The following CCSER1 variants were observed in gnomAD, a reference collection of about 807,000 sequenced individuals.
CCSER1 encodes serine-rich coiled-coil domain-containing protein 1.
A neutral mutation model predicts 82.0 loss-of-function variants in CCSER1; 41 were observed. That is an observed-to-expected ratio of 0.50 (90% CI 0.39 to 0.65). The LOEUF (loss-of-function observed/expected upper bound fraction) is 0.65, where lower values mean the gene tolerates loss of function less well. CCSER1 is among the 30% of genes least tolerant of loss of function. The probability of loss-of-function intolerance (pLI) is 0.00; values close to 1 mark genes in which losing one functional copy is unlikely to be tolerated. For synonymous variants in CCSER1, 414 were observed against 383.9 expected, an observed-to-expected ratio of 1.08 and a Z score of -0.92; for missense variants, 1,119 against 1,064.2, an observed-to-expected ratio of 1.05 and a Z score of -0.72.
Position 91,527,460 on chromosome 4 carries a change from G to C in CCSER1, c.2218-71112G>C, listed in dbSNP as rs568420785. 2.1e-4 allele frequency among the ~76,000 whole-genome samples: 32 copies of C among 152,172 alleles called. No individual in the cohort carries two copies. The South Asian group carries it at 4.6e-3, about 22-fold the overall frequency. ...CAATGCACAATATAGTATTTGAAAA[G>C]AAAGAGATCAATAAAGGCTATTGTG... On this transcript the variant is annotated intron_variant, in intron 10 of 10. Coordinates refer to ENST00000509176, the MANE Select transcript of CCSER1 (RefSeq NM_001145065.2).
At chr4:90,757,542 C>T (rs1048163557) in intron 7 of CCSER1, among the ~76,000 whole-genome samples, 1 of 152,198 alleles carries the variant, frequency 6.6e-6, no homozygotes, top group African/African-American at 2.4e-5. Flanking sequence ...AAGCAATGGC[C>T]TCCTATAAAG....
intron 3 of CCSER1, among the ~76,000 whole-genome samples, chr4:90,381,122 A>G (rs2153531591): frequency 6.6e-6 from 1 of 152,362 alleles, no homozygotes; most frequent in South Asian, 2.1e-4. Flanking sequence ...AGGATTGTTC[A>G]GTGAGGGCAG....
chr4:91,551,853 T>A (rs765920284), intron 10 of CCSER1, among the ~76,000 whole-genome samples: 2 of 151,714 alleles, frequency 1.3e-5, no homozygotes, highest in Non-Finnish European at 2.9e-5. Flanking sequence ...TTCCTGAAAA[T>A]GAACTTCTTT....
chr4:91,164,335 C>T (rs1378807743), intron 10 of CCSER1, among the ~76,000 whole-genome samples: 7 of 151,906 alleles, frequency 4.6e-5, no homozygotes, highest in Non-Finnish European at 8.8e-5. Context: ...GTGGGTAACC[C>T]GACCTTTCTC....
intron 9 of CCSER1, among the ~76,000 whole-genome samples, chr4:91,044,404 CA>C (rs2150584968): frequency 6.6e-6 from 1 of 152,274 alleles, no homozygotes; most frequent in South Asian, 2.1e-4. Context: ...TTGCAGCGCA[CA>C]AAATGTTCAT....
intron 7 of CCSER1, among the ~76,000 whole-genome samples, chr4:90,755,702 C>T (rs1228508265): frequency 6.6e-6 from 1 of 152,074 alleles, no homozygotes; most frequent in Non-Finnish European, 1.5e-5. Context: ...ATTATCAATG[C>T]AAAACACTGT....
chr4:91,541,113 T>A (rs1431259051), intron 10 of CCSER1, among the ~76,000 whole-genome samples: 1 of 152,190 alleles, frequency 6.6e-6, no homozygotes, highest in Admixed American at 6.6e-5. Flanking sequence ...TTGCATTAAA[T>A]CTACAGAACA....
intron 10 of CCSER1, among the ~76,000 whole-genome samples, chr4:91,243,193 C>T (rs762061593): frequency 6.6e-6 from 1 of 152,210 alleles, no homozygotes; most frequent in Non-Finnish European, 1.5e-5. Context: ...CCAGTGCCCG[C>T]ACCTGGAGGG....
intron 8 of CCSER1, among the ~76,000 whole-genome samples, chr4:90,908,755 T>C (rs957579389): frequency 2.0e-5 from 3 of 152,086 alleles, no homozygotes; most frequent in African/African-American, 7.2e-5. Flanking sequence ...GACTACTCTA[T>C]TGGAATGGAA....
intron 5 of CCSER1, among the ~76,000 whole-genome samples, chr4:90,471,756 C>T (rs1440415842): frequency 1.3e-5 from 2 of 151,556 alleles, no homozygotes; most frequent in Non-Finnish European, 2.9e-5. Context: ...GGGCGGATCA[C>T]TTGAGGTCAG....
intron 5 of CCSER1, among the ~76,000 whole-genome samples, chr4:90,611,059 C>CTTTTTTTTTTTT (rs201354908): frequency 0.021 from 1,998 of 93,602 alleles, 146 homozygotes; most frequent in East Asian, 0.046. Context: ...CTTTTCTTTT[C>CTTTTTTTTTTTT]TTTTTTTTTT....
intron 9 of CCSER1, among the ~76,000 whole-genome samples, chr4:91,006,299 C>T (rs138663933): frequency 6.6e-6 from 1 of 151,156 alleles, no homozygotes; most frequent in African/African-American, 2.4e-5. Flanking sequence ...TTTTTGTGTG[C>T]TATCAGCATA....
At chr4:90,854,836 G>A (rs1173187906) in intron 8 of CCSER1, among the ~76,000 whole-genome samples, 3 of 151,952 alleles carry the variant, frequency 2.0e-5, no homozygotes, top group Non-Finnish European at 2.9e-5. Context: ...AAAACTACTG[G>A]AGACTGGGTA....
chr4:91,368,943 C>G (rs1560617062), intron 10 of CCSER1, among the ~76,000 whole-genome samples: 1 of 152,158 alleles, frequency 6.6e-6, no homozygotes, highest in African/African-American at 2.4e-5. Context: ...GGAGACATCT[C>G]AATCCTGCTA....
intron 9 of CCSER1, among the ~76,000 whole-genome samples, chr4:90,955,186 C>G (rs561446775): frequency 1.1e-4 from 16 of 152,182 alleles, no homozygotes; most frequent in Admixed American, 2.6e-4. Flanking sequence ...TTGCTATACC[C>G]CTGCACTTGG....
At chr4:91,029,442 G>A (rs1356678707) in intron 9 of CCSER1, among the ~76,000 whole-genome samples, 4 of 151,924 alleles carry the variant, frequency 2.6e-5, no homozygotes, top group Admixed American at 1.3e-4. Context: ...AAAGCAGGGG[G>A]AATGAGATCT....
At position 90,450,217 on chromosome 4, in the gene CCSER1, G is replaced by A. The variant is rs534703316; in HGVS notation, c.1604-18017G>A. ...TTGTATGACCACTTGGAGCATGATG[G>A]CCTCTAGGTGAGAAGAAATAATTTT... On this transcript the variant is annotated intron_variant, in intron 4 of 10. Coordinates refer to ENST00000509176, the MANE Select transcript of CCSER1 (RefSeq NM_001145065.2). Among the ~76,000 whole-genome samples the A allele has an allele frequency of 3.9e-5, 6 of 152,326 alleles. No homozygotes were observed. The East Asian group carries it at 5.8e-4, about 15-fold the overall frequency.
intron 1 of CCSER1, among the ~76,000 whole-genome samples, chr4:90,207,132 C>G (rs1300980901): frequency 2.0e-5 from 3 of 152,080 alleles, no homozygotes; most frequent in South Asian, 2.1e-4. Flanking sequence ...AATCTTGACT[C>G]TTTATCCAAT....
intron 3 of CCSER1, among the ~76,000 whole-genome samples, chr4:90,326,051 A>G (rs1055702586): frequency 7.1e-6 from 1 of 141,552 alleles, no homozygotes; most frequent in African/African-American, 2.5e-5. Flanking sequence ...TTCCTATGTG[A>G]TACCTTTTTT....
Sources: gnomAD v4.1 joint callset for allele counts (sites outside exome capture counted in the v4.1 genomes callset) on GRCh38, gnomAD v4.1.1 for gene constraint, MANE v1.5 for transcripts, NCBI Gene and HGNC (gene_info 2026-07-23, HGNC 2026-07-21) for gene names.